EYA2: variants seen among roughly 807,000 people sequenced by gnomAD.
The protein encoded by EYA2 is protein phosphatase EYA2.
Under a neutral mutation model 69.2 loss-of-function variants are expected in EYA2, and 31 were observed. The observed-to-expected ratio is 0.45, with a 90% confidence interval of 0.34 to 0.60. The LOEUF (loss-of-function observed/expected upper bound fraction) is 0.60. Ranked by LOEUF, EYA2 falls within the 20% of genes least tolerant of loss-of-function variation. The probability of loss-of-function intolerance (pLI) is 0.02; values close to 1 mark genes in which losing one functional copy is unlikely to be tolerated. For synonymous variants in EYA2, 257 were observed against 279.4 expected, an observed-to-expected ratio of 0.92 and a Z score of 0.80; for missense variants, 622 against 701.2, an observed-to-expected ratio of 0.89 and a Z score of 1.28.
chr20:47,076,885 A>G (rs2031537009), intron 7 of EYA2, among the ~76,000 whole-genome samples: 2 of 152,168 alleles, frequency 1.3e-5, no homozygotes, highest in South Asian at 4.1e-4. Flanking sequence ...ATCCCAGCAA[A>G]CATAGTTCCT....
At chr20:47,144,115 TG>T (rs2033654674) in intron 10 of EYA2, among the ~76,000 whole-genome samples, 1 of 152,160 alleles carries the variant, frequency 6.6e-6, no homozygotes, top group East Asian at 1.9e-4. Flanking sequence ...CCCAGCACTT[TG>T]GGAGGCCGAG....
intron 9 of EYA2, among the ~76,000 whole-genome samples, chr20:47,099,270 C>G (rs1044107140): frequency 6.6e-6 from 1 of 152,244 alleles, no homozygotes; most frequent in African/African-American, 2.4e-5. Flanking sequence ...AGAGGGCAGC[C>G]TTGGTGGCTG....
At chr20:46,956,422 A>G (rs1979129734) in intron 1 of EYA2, among the ~76,000 whole-genome samples, 1 of 152,238 alleles carries the variant, frequency 6.6e-6, no homozygotes, top group Admixed American at 6.5e-5. Flanking sequence ...CCTAAGGACC[A>G]GTAACAGTGT....
chr20:47,165,764 C>T (rs2034170420), intron 10 of EYA2, among the ~76,000 whole-genome samples: 1 of 152,138 alleles, frequency 6.6e-6, no homozygotes, highest in Non-Finnish European at 1.5e-5. Context: ...GGAGAGGGAC[C>T]AGCAGCCACA....
rs1447555026 is a variant in EYA2, at chr20:46,990,134, G to GT, written c.109+16dup. ...TGACAGACAAGGTAGGCTTCCTGCT[G>GT]TGAGTTTGGGTCAACAGGTGTGGTG... On this transcript the variant is annotated intron_variant, in intron 2 of 15. Transcript: ENST00000327619. The GT allele has an allele frequency of 2.7e-6, 4 of 1,474,886 alleles. No homozygotes were observed. In the East Asian group the frequency reaches 9.1e-5, roughly 34 times the overall value. 91.4% of individuals were successfully genotyped at this position (1,474,886 alleles called of 1,614,324 possible).
chr20:47,086,918 T>TGG (rs370267774), intron 7 of EYA2, among the ~76,000 whole-genome samples: 7 of 142,606 alleles, frequency 4.9e-5, no homozygotes, highest in African/African-American at 1.7e-4. Flanking sequence ...CCTGTTTTAA[T>TGG]GGGGGGGGCA....
intron 5 of EYA2, among the ~76,000 whole-genome samples, chr20:47,038,539 GC>G (rs1443684702): frequency 6.6e-6 from 1 of 152,176 alleles, no homozygotes; most frequent in Non-Finnish European, 1.5e-5. Flanking sequence ...CCACAAGGGT[GC>G]TCTGGGGACA....
chr20:46,923,830 C>A (rs971443417), intron 1 of EYA2, among the ~76,000 whole-genome samples: 13 of 152,128 alleles, frequency 8.5e-5, no homozygotes, highest in African/African-American at 3.1e-4. Context: ...CTCTCCAAAA[C>A]CTGCACTCTT....
intron 11 of EYA2, 41 bp downstream of exon 11, chr20:47,169,238 A>G: frequency 3.2e-6 from 5 of 1,572,874 alleles, no homozygotes; most frequent in Non-Finnish European, 4.4e-6. Flanking sequence ...TGATTGATTG[A>G]TTGATTATCA....
chr20:46,904,036 G>T (rs149713025), intron 1 of EYA2, among the ~76,000 whole-genome samples: 4 of 152,260 alleles, frequency 2.6e-5, no homozygotes, highest in African/African-American at 9.6e-5. Flanking sequence ...TTTAGGTATC[G>T]AGAGAATGTT....
intron 15 of EYA2, among the ~76,000 whole-genome samples, chr20:47,187,619 C>G (rs1427085836): frequency 6.6e-5 from 10 of 152,310 alleles, no homozygotes; most frequent in Admixed American, 6.5e-4. Context: ...GCACTGCAGC[C>G]TCCAATTCCC....
chr20:47,079,495 G>C (rs937489331), intron 7 of EYA2, among the ~76,000 whole-genome samples: 1 of 151,972 alleles, frequency 6.6e-6, no homozygotes, highest in African/African-American at 2.4e-5. Context: ...TCCTGCCCCC[G>C]ACCCCTTATA....
intron 1 of EYA2, among the ~76,000 whole-genome samples, chr20:46,898,808 T>C (rs1206093602): frequency 6.6e-6 from 1 of 152,152 alleles, no homozygotes; most frequent in African/African-American, 2.4e-5. Context: ...TGATTTAAAA[T>C]CAGTTTTAAG....
At chr20:47,108,319 C>CTCCACTCT (rs2032649506) in intron 9 of EYA2, among the ~76,000 whole-genome samples, 1 of 152,142 alleles carries the variant, frequency 6.6e-6, no homozygotes, top group Admixed American at 6.6e-5. Flanking sequence ...TGGCAGCTCC[C>CTCCACTCT]TCCACTCTCT....
chr20:47,093,761 A>AC (rs1393743570), intron 8 of EYA2, among the ~76,000 whole-genome samples: 2 of 152,256 alleles, frequency 1.3e-5, no homozygotes, highest in Non-Finnish European at 2.9e-5. Flanking sequence ...TTCTAAAGAC[A>AC]GTAGTGACTG....
intron 1 of EYA2, chr20:46,979,722 A>G (rs1052185169): frequency 4.6e-5 from 7 of 152,192 alleles, no homozygotes; most frequent in Non-Finnish European, 8.8e-5. Context: ...TCAAACCACA[A>G]TAGGAACCAG....
intron 9 of EYA2, among the ~76,000 whole-genome samples, chr20:47,097,993 T>C (rs1457078232): frequency 2.0e-5 from 3 of 152,198 alleles, no homozygotes; most frequent in Non-Finnish European, 2.9e-5. Context: ...GCCTGGAAAA[T>C]ATTTCTGTTT....
Position 47,011,515 on chromosome 20 carries a change from A to G in EYA2, c.299-4666A>G, listed in dbSNP as rs114461327. On this transcript the variant is annotated intron_variant, in intron 4 of 15. Transcript: ENST00000327619. ...GACCTCATCACTCACCCTCTCCCCA[A>G]CCCTTACCCCACTCCAGCCTCACTG... Among the ~76,000 whole-genome samples the G allele has an allele frequency of 8.9e-3, 1,353 of 151,634 alleles. 21 individuals are homozygous for G. The highest frequency in any genetic ancestry group is 0.03 in the African/African-American group (1,248 of 41,324).
In EYA2 at chr20:47,172,692, C is replaced by T. The variant is rs6090632; in HGVS notation, c.1038-15C>T. The T allele has an allele frequency of 6.3e-7, 1 of 1,599,438 alleles. No homozygotes were observed. The highest frequency in any genetic ancestry group is 8.5e-7 in the Non-Finnish European group (1 of 1,172,514). On this transcript the variant is annotated splice_polypyrimidine_tract_variant and intron_variant, in intron 11 of 15. Transcript: ENST00000327619. ...CCCCTGCACTAACACTGTCCCTCCC[C>T]TCCTCTCTCCGCAGCACATACAACT...
Sources: allele counts gnomAD v4.1 joint callset (sites outside exome capture counted in the v4.1 genomes callset), GRCh38; gene constraint gnomAD v4.1.1; transcripts MANE v1.5; gene names NCBI Gene and HGNC (gene_info 2026-07-23, HGNC 2026-07-21).